The following TBC1D22A variants were observed in gnomAD, a reference collection of about 807,000 sequenced individuals.
TBC1D22A encodes the protein TBC1 domain family member 22A, also known as putative GTPase activator.
A neutral mutation model predicts 60.2 loss-of-function variants in TBC1D22A; 38 were observed. The ratio of observed to expected loss-of-function variants is 0.63; its 90% confidence interval spans 0.49 to 0.83. The LOEUF is 0.83. TBC1D22A is among the 40% of genes least tolerant of loss of function. TBC1D22A has a pLI of 0.00. For synonymous variants in TBC1D22A, 302 were observed against 281.7 expected (o/e 1.07, Z -0.72); for missense variants, 628 against 701.0 (o/e 0.90, Z 1.18).
intron 5 of TBC1D22A, among the ~76,000 whole-genome samples, chr22:46,880,151 G>C (rs1042280437): frequency 1.3e-5 from 2 of 152,230 alleles, no homozygotes; most frequent in African/African-American, 2.4e-5. Flanking sequence ...AGATCCTGAC[G>C]ACATGTGCCC....
chr22:46,892,966 C>T (rs953551108), intron 6 of TBC1D22A, among the ~76,000 whole-genome samples: 9 of 152,220 alleles, frequency 5.9e-5, no homozygotes, highest in Non-Finnish European at 5.9e-5. Context: ...GCGCCTTCTG[C>T]GTTCTCGCCA....
At chr22:47,170,095 TAAA>T (rs960535788) in intron 12 of TBC1D22A, among the ~76,000 whole-genome samples, 2 of 152,224 alleles carry the variant, frequency 1.3e-5, no homozygotes, top group African/African-American at 4.8e-5. Context: ...CAAGCCTTTT[TAAA>T]AAAGAAATCT....
At chr22:47,135,798 C>T (rs1242343235) in intron 12 of TBC1D22A, among the ~76,000 whole-genome samples, 1 of 152,224 alleles carries the variant, frequency 6.6e-6, no homozygotes, top group Non-Finnish European at 1.5e-5. Context: ...TGTGTTCATT[C>T]GCCCAGCGCT....
At chr22:46,805,904 G>A (rs1365338571) in intron 4 of TBC1D22A, among the ~76,000 whole-genome samples, 1 of 151,120 alleles carries the variant, frequency 6.6e-6, no homozygotes, top group African/African-American at 2.4e-5. Flanking sequence ...CCAGACTGGA[G>A]TGCAGTGGCT....
intron 8 of TBC1D22A, among the ~76,000 whole-genome samples, chr22:46,933,215 C>G (rs572771949): frequency 2.0e-5 from 3 of 152,312 alleles, no homozygotes; most frequent in African/African-American, 7.2e-5. Context: ...GCATTCTTCT[C>G]AGGACCACTT....
At chr22:46,868,306 G>A (rs1366185268) in intron 4 of TBC1D22A, among the ~76,000 whole-genome samples, 2 of 152,178 alleles carry the variant, frequency 1.3e-5, no homozygotes, top group Non-Finnish European at 2.9e-5. Context: ...GGGTGGTTCA[G>A]TATACACACA....
At chr22:47,022,206 G>A (rs1347199845) in intron 10 of TBC1D22A, among the ~76,000 whole-genome samples, 1 of 152,180 alleles carries the variant, frequency 6.6e-6, no homozygotes, top group East Asian at 1.9e-4. Context: ...TACACCCAGT[G>A]CTCTAGTTCA....
At chr22:46,973,221 G>C (rs2074146039) in intron 8 of TBC1D22A, among the ~76,000 whole-genome samples, 1 of 152,214 alleles carries the variant, frequency 6.6e-6, no homozygotes. Flanking sequence ...TAGGGACCTG[G>C]GTTCTGGGAC....
chr22:46,994,836 A>T (rs1435549677), intron 9 of TBC1D22A, among the ~76,000 whole-genome samples: 1 of 152,236 alleles, frequency 6.6e-6, no homozygotes, highest in Non-Finnish European at 1.5e-5. Context: ...TGCTCCTGTT[A>T]TCCAATCTCT....
intron 11 of TBC1D22A, among the ~76,000 whole-genome samples, chr22:47,050,257 G>C (rs920441380): frequency 6.6e-6 from 1 of 152,020 alleles, no homozygotes; most frequent in Non-Finnish European, 1.5e-5. Flanking sequence ...CGCCCGCCTC[G>C]GCCCCCCAGG....
intron 8 of TBC1D22A, among the ~76,000 whole-genome samples, chr22:46,968,786 C>T (rs1486204800): frequency 1.3e-5 from 2 of 152,232 alleles, no homozygotes; most frequent in Non-Finnish European, 2.9e-5. Flanking sequence ...AATTTCTGCT[C>T]TTTGTTTCCC....
intron 8 of TBC1D22A, among the ~76,000 whole-genome samples, chr22:46,923,939 C>T (rs1318688377): frequency 6.6e-6 from 1 of 151,962 alleles, no homozygotes; most frequent in African/African-American, 2.4e-5. Flanking sequence ...TTTTTCTTTC[C>T]TTTAGGCATG....
chr22:47,161,984 C>T (rs775877323), intron 12 of TBC1D22A, among the ~76,000 whole-genome samples: 7 of 152,214 alleles, frequency 4.6e-5, no homozygotes, highest in Non-Finnish European at 7.3e-5. Context: ...ACTGCAGGGC[C>T]TCCTCGCTCC....
intron 12 of TBC1D22A, among the ~76,000 whole-genome samples, chr22:47,149,867 G>A (rs186145295): frequency 5.4e-4 from 82 of 152,272 alleles, no homozygotes; most frequent in Admixed American, 3.2e-3. Flanking sequence ...GGATGCCTTG[G>A]GCCTTTTGGC....
intron 12 of TBC1D22A, among the ~76,000 whole-genome samples, chr22:47,124,915 C>T (rs1238495625): frequency 3.3e-5 from 5 of 151,998 alleles, no homozygotes; most frequent in Admixed American, 6.6e-5. Context: ...AAAGATGGTG[C>T]CTGCAGAGAT....
chr22:47,054,703 C>T (rs116368081), intron 11 of TBC1D22A, among the ~76,000 whole-genome samples: 2,027 of 152,002 alleles, frequency 0.013, 43 homozygotes, highest in African/African-American at 0.045. Flanking sequence ...AGTCAAGTAG[C>T]AGGGCCGGTG....
chr22:46,801,729 G>A (rs971557150), intron 4 of TBC1D22A, among the ~76,000 whole-genome samples: 1 of 152,176 alleles, frequency 6.6e-6, no homozygotes, highest in Non-Finnish European at 1.5e-5. Context: ...CAAGGCTTTC[G>A]AACGGTAGGA....
intron 4 of TBC1D22A, among the ~76,000 whole-genome samples, chr22:46,833,322 T>C (rs188946435): frequency 6.6e-6 from 1 of 152,308 alleles, no homozygotes; most frequent in Admixed American, 6.5e-5. Flanking sequence ...ATAAACCTAC[T>C]TGAATTGTAG....
At chr22:47,000,615 G>A (rs2075279535) in intron 10 of TBC1D22A, among the ~76,000 whole-genome samples, 1 of 152,138 alleles carries the variant, frequency 6.6e-6, no homozygotes, top group Non-Finnish European at 1.5e-5. Context: ...CCCGCAGATG[G>A]GGAACTCCCT....
Sources: gnomAD v4.1 joint callset for allele counts (sites outside exome capture counted in the v4.1 genomes callset) on GRCh38, gnomAD v4.1.1 for gene constraint, MANE v1.5 for transcripts, NCBI Gene and HGNC (gene_info 2026-07-23, HGNC 2026-07-21) for gene names.